Variants in CDADC1 observed in about 807,000 individuals in gnomAD.
CDADC1 encodes the protein dCTP deaminase.
In CDADC1, 39 loss-of-function variants were observed where a neutral mutation model predicts 54.9. The ratio of observed to expected loss-of-function variants is 0.71; its 90% CI spans 0.55 to 0.93. The LOEUF (loss-of-function observed/expected upper bound fraction) is 0.93. Ranked by LOEUF, CDADC1 falls within the 40% of genes least tolerant of loss-of-function variation. The pLI, the probability that CDADC1 is intolerant of heterozygous loss-of-function variation, is 0.00. For synonymous variants in CDADC1, 186 were observed against 204.0 expected, an observed-to-expected ratio of 0.91 and a Z score of 0.75; for missense variants, 518 against 618.8, an observed-to-expected ratio of 0.84 and a Z score of 1.73.
Position 49,292,771 on chromosome 13 carries a change from C to T in CDADC1, c.*1014C>T, listed in dbSNP as rs777253561. The T allele has an allele frequency of 1.6e-6, 2 of 1,282,672 alleles. No individual in the cohort carries two copies. The highest frequency in any genetic ancestry group is 5.7e-5 in the East Asian group (1 of 17,494). 79.5% of individuals were successfully genotyped at this position (1,282,672 alleles called of 1,614,324 possible). On this transcript the variant is annotated 3_prime_UTR_variant, in exon 10 of 10. Transcript: ENST00000251108. Reference sequence around the variant, plus strand: ...AAAATGAAGGTACATTTTCTGTTCTCTCCTAGGTTAGAGAGGGGTGGCCTG... The same window carrying T: ...AAAATGAAGGTACATTTTCTGTTCTTTCCTAGGTTAGAGAGGGGTGGCCTG...
intron 9 of CDADC1, among the ~76,000 whole-genome samples, chr13:49,290,186 G>A (rs1220535964): frequency 6.6e-6 from 1 of 151,956 alleles, no homozygotes; most frequent in African/African-American, 2.4e-5. Context: ...AAGGGGATGG[G>A]ACGAGAGAGG....
chr13:49,278,349 G>C lies in CDADC1; in HGVS notation c.1051-1G>C, dbSNP rs2138249116. 1 of 1,529,456 alleles carries C rather than the reference G, an allele frequency of 6.5e-7. No individual in the cohort carries two copies. The highest frequency in any genetic ancestry group is 8.9e-7 in the Non-Finnish European group (1 of 1,123,582). 94.7% of individuals were successfully genotyped at this position (1,529,456 alleles called of 1,614,324 possible). A position where few individuals can be genotyped will look rare whatever the true frequency, so the allele number is the denominator to read the frequency against. On this transcript the variant is annotated splice_acceptor_variant, in intron 6 of 9. Coordinates refer to ENST00000251108, the MANE Select transcript of CDADC1 (RefSeq NM_030911.4). LOFTEE classifies it high-confidence loss of function. ...AACCATTGGTTTGCTCACTCTCGTA[G>C]AGAAGTTGTGATGGAACAGGTGCCA... is the stretch of plus-strand genomic sequence containing the variant.
At chr13:49,262,539 AT>A (rs879802456) in intron 4 of CDADC1, among the ~76,000 whole-genome samples, 5 of 150,760 alleles carry the variant, frequency 3.3e-5, no homozygotes, top group African/African-American at 4.9e-5. Context: ...TTTTTATTTT[AT>A]TTTTTTTTGA....
At chr13:49,275,689 TTATATATATATATATA>T (rs371106804) in intron 6 of CDADC1, among the ~76,000 whole-genome samples, 718 of 43,074 alleles carry the variant, frequency 0.017, 17 homozygotes, top group East Asian at 0.031. Flanking sequence ...TTTCTAGGTG[TTATATATATATATATA>T]TATATATATA....
At chr13:49,262,698 T>C (rs1398459345) in intron 4 of CDADC1, among the ~76,000 whole-genome samples, 1 of 151,912 alleles carries the variant, frequency 6.6e-6, no homozygotes, top group Admixed American at 6.6e-5. Flanking sequence ...GCCCGGCTAA[T>C]TTTTGTATTT....
chr13:49,261,045 T>C (rs941996818), intron 4 of CDADC1, among the ~76,000 whole-genome samples: 1 of 152,206 alleles, frequency 6.6e-6, no homozygotes, highest in South Asian at 2.1e-4. Flanking sequence ...AATGGAGAAT[T>C]ATTCTTGGAG....
chr13:49,270,330 C>G (rs1178555880), intron 5 of CDADC1, among the ~76,000 whole-genome samples: 1 of 152,120 alleles, frequency 6.6e-6, no homozygotes, highest in Admixed American at 6.5e-5. Flanking sequence ...AAGCAATCCT[C>G]CCACATCGAC....
intron 8 of CDADC1, 105 bp from the exon 9 acceptor site, chr13:49,286,117 T>G: frequency 3.2e-6 from 3 of 945,966 alleles, no homozygotes; most frequent in Non-Finnish European, 4.9e-6. Flanking sequence ...CCCAGCCATT[T>G]TTCTTCCATT....
chr13:49,250,770 T>C (rs183511684), intron 2 of CDADC1, among the ~76,000 whole-genome samples: 1 of 152,366 alleles, frequency 6.6e-6, no homozygotes, highest in African/African-American at 2.4e-5. Flanking sequence ...CATAATAAAA[T>C]GATATCTCTT....
At chr13:49,253,575 A>G (rs1473489747) in intron 2 of CDADC1, among the ~76,000 whole-genome samples, 2 of 152,210 alleles carry the variant, frequency 1.3e-5, no homozygotes, top group African/African-American at 4.8e-5. Context: ...TGTAAAATGA[A>G]ATGTTACTAG....
chr13:49,267,849 T>G lies in CDADC1; in HGVS notation c.790T>G (p.Cys264Gly). Residue 264 changes from cysteine to glycine, a missense_variant, in exon 5 of 10, where the codon TGT (cysteine) becomes GGT (glycine). Physicochemically the swap from Cys to Gly is radical, Grantham distance 159. Coordinates refer to ENST00000251108, the MANE Select transcript of CDADC1 (RefSeq NM_030911.4). ...GATGACTATAGGTTTGGAGAACCTG[T>G]GTGAAAATCCATACTTTAGCAATCT... ...ILMTIGLENL[C>G]ENPYFSNLRQ... 1 of 1,614,136 alleles carries G rather than the reference T, an allele frequency of 6.2e-7. No individual in the cohort carries two copies. Among genetic ancestry groups the G allele is most frequent in the Non-Finnish European group, 8.5e-7 (1 of 1,180,004 alleles).
At chr13:49,261,450 T>G (rs563134177) in intron 4 of CDADC1, among the ~76,000 whole-genome samples, 1 of 152,224 alleles carries the variant, frequency 6.6e-6, no homozygotes, top group African/African-American at 2.4e-5. Context: ...TCATCACTCA[T>G]GTTCAACTGA....
chr13:49,284,424 A>G (rs781750323), intron 8 of CDADC1, among the ~76,000 whole-genome samples: 2 of 152,184 alleles, frequency 1.3e-5, no homozygotes, highest in Non-Finnish European at 2.9e-5. Flanking sequence ...AACTTATTTA[A>G]CCATTCCCAT....
chr13:49,267,647 G>T lies in CDADC1; in HGVS notation c.588G>T (p.Val196=), dbSNP rs781058282. ...AHVCVLLQPL[V]CYMVQFVEET... ...TGTGTGTCTTACTTCAACCTTTGGTGTGTTATATGGTGCAGTTTGTAGAGG... is the reference window on the plus strand; with the variant it reads ...TGTGTGTCTTACTTCAACCTTTGGTTTGTTATATGGTGCAGTTTGTAGAGG... Residue 196 remains valine (V), a synonymous_variant, in exon 5 of 10, where the codon GTG becomes GTT. Coordinates refer to ENST00000251108, the MANE Select transcript of CDADC1 (RefSeq NM_030911.4). 6.2e-7 allele frequency: 1 copy of T among 1,614,140 alleles called. No individual in the cohort carries two copies. The highest frequency in any genetic ancestry group is 1.1e-5 in the South Asian group (1 of 91,080).
At chr13:49,249,979 A>G (rs913337450) in intron 2 of CDADC1, among the ~76,000 whole-genome samples, 3 of 152,086 alleles carry the variant, frequency 2.0e-5, no homozygotes, top group African/African-American at 7.2e-5. Flanking sequence ...AAATAGTATT[A>G]GGTTAAGTTG....
chr13:49,272,426 G>A (rs1001548418), intron 5 of CDADC1, among the ~76,000 whole-genome samples: 2 of 152,088 alleles, frequency 1.3e-5, no homozygotes, highest in Non-Finnish European at 2.9e-5. Flanking sequence ...CCTCTACTCT[G>A]TAGAAGGAAG....
chr13:49,278,618 C>A, intron 7 of CDADC1, 99 bp downstream of exon 7: 3 of 967,372 alleles, frequency 3.1e-6, no homozygotes, highest in Non-Finnish European at 4.4e-6. Context: ...TTTCAAATTC[C>A]AAGAAAGTTT....
rs1314855299 is a variant in CDADC1 at position 49,293,122 on chromosome 13, T to C, written c.*1365T>C. Reference sequence around the variant, plus strand: ...CTAGTTTGAAAACCGTGAATTAAGATATTCTTATCAGTATAAAAACACTGA... The same window carrying C: ...CTAGTTTGAAAACCGTGAATTAAGACATTCTTATCAGTATAAAAACACTGA... On this transcript the variant is annotated 3_prime_UTR_variant, in exon 10 of 10. Transcript: ENST00000251108. 3 of 156,022 alleles carry C rather than the reference T, an allele frequency of 1.9e-5. No homozygotes were observed. The highest frequency in any genetic ancestry group is 2.8e-5 in the Non-Finnish European group (2 of 70,432). 9.7% of individuals were successfully genotyped at this position (156,022 alleles called of 1,614,324 possible).
At chr13:49,264,358 C>T (rs1383713513) in intron 4 of CDADC1, among the ~76,000 whole-genome samples, 1 of 152,022 alleles carries the variant, frequency 6.6e-6, no homozygotes, top group African/African-American at 2.4e-5. Context: ...ACTCTATAAA[C>T]ACATGTAAAT....
Sources: allele counts gnomAD v4.1 joint callset (sites outside exome capture counted in the v4.1 genomes callset), GRCh38; gene constraint gnomAD v4.1.1; transcripts MANE v1.5; gene names NCBI Gene and HGNC (gene_info 2026-07-23, HGNC 2026-07-21).